The following YTHDF3 variants were observed in gnomAD, a reference collection of about 807,000 sequenced individuals.
YTHDF3 encodes YTH domain-containing family protein 3.
YTHDF3 carries 9 observed loss-of-function variants against 52.5 expected under a neutral mutation model. The ratio of observed to expected loss-of-function variants is 0.17; its 90% CI spans 0.10 to 0.30. YTHDF3 has a LOEUF of 0.30. Ranked by LOEUF, YTHDF3 falls within the 10% of genes least tolerant of loss-of-function variation. YTHDF3 has a pLI of 1.00. For missense variants in YTHDF3, 534 were observed against 715.0 expected (o/e 0.75, Z 2.89); for synonymous variants, 274 against 243.3 (o/e 1.13, Z -1.18).
At chr8:63,196,778 G>C (rs2150388380) in intron 4 of YTHDF3, among the ~76,000 whole-genome samples, 1 of 152,216 alleles carries the variant, frequency 6.6e-6, no homozygotes, top group Non-Finnish European at 1.5e-5. Context: ...AATTATATCA[G>C]TGAGGTGGGT....
Position 63,172,828 on chromosome 8 carries a change from G to T in YTHDF3, c.50-2503G>T, listed in dbSNP as rs1807419050. The T allele has an allele frequency of 4.1e-6, 5 of 1,230,388 alleles. No homozygotes were observed. The South Asian group carries it at 2.1e-4, about 51-fold the overall frequency. The allele number at this position is 1,230,388 out of a possible 1,614,324, so 76.2% of individuals were successfully genotyped here. ...GTCATCTGTTCTTTTTACCCCTGAA[G>T]AAATTTTACAGACTATGGAACTAGC... On this transcript the variant is annotated intron_variant, in intron 2 of 4. Coordinates refer to ENST00000539294, the MANE Select transcript of YTHDF3 (RefSeq NM_152758.6).
chr8:63,199,392 A>G (rs576441002), intron 4 of YTHDF3, among the ~76,000 whole-genome samples: 62 of 152,268 alleles, frequency 4.1e-4, no homozygotes, highest in African/African-American at 1.3e-3. Context: ...CATCCCTTGA[A>G]TACTGCATTT....
intron 4 of YTHDF3, among the ~76,000 whole-genome samples, chr8:63,194,830 C>T (rs778979811): frequency 6.6e-6 from 1 of 152,124 alleles, no homozygotes; most frequent in South Asian, 2.1e-4. Context: ...TTATACTAAC[C>T]TGCTTTCCCC....
At chr8:63,182,067 G>GT (rs1036021712) in intron 3 of YTHDF3, among the ~76,000 whole-genome samples, 3 of 150,368 alleles carry the variant, frequency 2.0e-5, no homozygotes, top group African/African-American at 4.9e-5. Flanking sequence ...TGTGTGTGTG[G>GT]TTTTTTTTAA....
chr8:63,180,224 G>A lies in YTHDF3; in HGVS notation c.135+4808G>A, dbSNP rs577804440. On this transcript the variant is annotated intron_variant, in intron 3 of 4. Transcript: ENST00000539294. Reference sequence around the variant, plus strand: ...GGGCGCCTCACTTCTCAGACGGGGCGGTTGCCAGGCAGAGGGTTTCCTCAC... The same window carrying A: ...GGGCGCCTCACTTCTCAGACGGGGCAGTTGCCAGGCAGAGGGTTTCCTCAC... Among the ~76,000 whole-genome samples, 5 of 151,500 alleles carry A rather than the reference G, an allele frequency of 3.3e-5. No homozygotes were observed. In the South Asian group the frequency reaches 6.2e-4, roughly 19 times the overall value.
chr8:63,177,851 A>G (rs1807807260), intron 3 of YTHDF3, among the ~76,000 whole-genome samples: 1 of 150,124 alleles, frequency 6.7e-6, no homozygotes, highest in Admixed American at 6.7e-5. Flanking sequence ...TCTGTCGCCC[A>G]GGTTCAAGAA....
intron 4 of YTHDF3, among the ~76,000 whole-genome samples, chr8:63,207,901 T>G (rs1418219891): frequency 6.6e-6 from 1 of 152,212 alleles, no homozygotes; most frequent in Admixed American, 6.5e-5. Context: ...TCCAAATTTC[T>G]CATCCAAAGC....
chr8:63,169,617 G>C, intron 2 of YTHDF3: 1 of 582,180 alleles, frequency 1.7e-6, no homozygotes, highest in South Asian at 2.2e-5. Flanking sequence ...AACCAAAGTA[G>C]TACGAGAAAC....
intron 4 of YTHDF3, among the ~76,000 whole-genome samples, chr8:63,195,954 A>T (rs566498261): frequency 6.6e-6 from 1 of 152,016 alleles, no homozygotes; most frequent in Admixed American, 6.6e-5. Context: ...GGCATGCGCC[A>T]CCATGCCCAT....
chr8:63,182,436 T>C (rs2130054565), intron 3 of YTHDF3, among the ~76,000 whole-genome samples: 1 of 152,116 alleles, frequency 6.6e-6, no homozygotes, highest in East Asian at 1.9e-4. Context: ...AGAGGCTGAA[T>C]GTGGCTTGAT....
intron 3 of YTHDF3, among the ~76,000 whole-genome samples, chr8:63,180,346 G>T (rs2130034425): frequency 6.6e-6 from 1 of 152,022 alleles, no homozygotes; most frequent in East Asian, 1.9e-4. Flanking sequence ...GGGCGGCTGG[G>T]CAGAGACGCT....
chr8:63,173,751 A>G, intron 2 of YTHDF3: 3 of 924,378 alleles, frequency 3.2e-6, no homozygotes, highest in Non-Finnish European at 3.9e-6. Flanking sequence ...AACCTAAGGC[A>G]CCCTCTTTAT....
At chr8:63,175,193 T>G in intron 2 of YTHDF3, 138 bp from the exon 3 acceptor site, 1 of 616,864 alleles carries the variant, frequency 1.6e-6, no homozygotes, top group East Asian at 2.9e-5. Flanking sequence ...TAGTTTATCC[T>G]TAAGAGGGTT....
chr8:63,207,292 C>T (rs1810096039), intron 4 of YTHDF3, among the ~76,000 whole-genome samples: 2 of 152,064 alleles, frequency 1.3e-5, no homozygotes, highest in Non-Finnish European at 2.9e-5. Flanking sequence ...CTCTATTAGT[C>T]TTAACTTCCT....
At chr8:63,203,389 C>T (rs147772265) in intron 4 of YTHDF3, among the ~76,000 whole-genome samples, 2 of 152,176 alleles carry the variant, frequency 1.3e-5, no homozygotes, top group East Asian at 3.9e-4. Flanking sequence ...TATACACACA[C>T]ACATATATTT....
chr8:63,175,211 A>C, intron 2 of YTHDF3, 120 bp from the exon 3 acceptor site: 1 of 675,666 alleles, frequency 1.5e-6, no homozygotes, highest in Admixed American at 2.9e-5. Context: ...GTTCTTAAAA[A>C]TAACTCAGTA....
intron 1 of YTHDF3, 67 bp from the exon 2 acceptor site, chr8:63,169,320 T>C (rs1807117543): frequency 9.1e-6 from 14 of 1,543,320 alleles, no homozygotes; most frequent in Non-Finnish European, 1.1e-5. Context: ...ATAATGCCTT[T>C]GATTAACACA....
At chr8:63,199,116 C>T (rs1477481078) in intron 4 of YTHDF3, among the ~76,000 whole-genome samples, 2 of 152,136 alleles carry the variant, frequency 1.3e-5, no homozygotes, top group Admixed American at 6.5e-5. Context: ...GGGGGTGCTT[C>T]AATTAACATA....
intron 3 of YTHDF3, among the ~76,000 whole-genome samples, chr8:63,181,284 C>T (rs1808117162): frequency 6.6e-6 from 1 of 152,156 alleles, no homozygotes; most frequent in Non-Finnish European, 1.5e-5. Context: ...AAATGATTTT[C>T]TAACTAGTAA....
Sources: gnomAD v4.1 joint callset for allele counts (sites outside exome capture counted in the v4.1 genomes callset) on GRCh38, gnomAD v4.1.1 for gene constraint, MANE v1.5 for transcripts, NCBI Gene and HGNC (gene_info 2026-07-23, HGNC 2026-07-21) for gene names.